Variants in PRH1 observed in about 807,000 individuals in gnomAD.
The protein encoded by PRH1 is salivary acidic proline-rich phosphoprotein 1/2.
PRH1 carries 7 observed loss-of-function variants against 7.9 expected under a neutral mutation model. That is an observed-to-expected ratio of 0.89 (90% CI 0.50 to 1.67). The LOEUF (loss-of-function observed/expected upper bound fraction) is 1.67, where lower values mean the gene tolerates loss of function less well. PRH1 is among the 40% of genes most tolerant of loss of function. The pLI is 0.00. For missense variants in PRH1, 109 were observed against 223.6 expected (o/e 0.49, Z 3.27); for synonymous variants, 45 against 80.8 (o/e 0.56, Z 2.38).
At chr12:11,068,535 C>G (rs1022690378) in intron 1 of PRH1, among the ~76,000 whole-genome samples, 1 of 152,158 alleles carries the variant, frequency 6.6e-6, no homozygotes, top group African/African-American at 2.4e-5. Flanking sequence ...GTCTGAAAGA[C>G]ATTTGGAGGA....
intron 2 of PRH1, chr12:10,938,244 T>C (rs1950322364): frequency 5.9e-6 from 9 of 1,528,984 alleles, no homozygotes; most frequent in Non-Finnish European, 6.2e-6. Flanking sequence ...CTATTTTTTT[T>C]CTAATATATT....
At chr12:11,073,775 A>T (rs1456177405) in intron 1 of PRH1, among the ~76,000 whole-genome samples, 1 of 152,188 alleles carries the variant, frequency 6.6e-6, no homozygotes, top group African/African-American at 2.4e-5. Flanking sequence ...TGCTAGAGGC[A>T]TGCATCGTGG....
At chr12:10,916,002 C>A (rs1949966948) in intron 2 of PRH1, among the ~76,000 whole-genome samples, 1 of 152,174 alleles carries the variant, frequency 6.6e-6, no homozygotes, top group Admixed American at 6.5e-5. Context: ...CTAATAAAGA[C>A]ATACACAAGA....
chr12:11,134,336 C>T, intron 1 of PRH1: 1 of 1,253,734 alleles, frequency 8.0e-7, no homozygotes, highest in Middle Eastern at 1.9e-4. Flanking sequence ...TCTATATGCA[C>T]CTGATTTGTG....
intron 1 of PRH1, among the ~76,000 whole-genome samples, chr12:11,085,961 A>G (rs1335289091): frequency 0.23 from 15,363 of 68,004 alleles, 574 homozygotes; most frequent in Non-Finnish European, 0.31. Context: ...GGTTTATGGA[A>G]AGTGAATCCT....
chr12:10,965,918 A>C (rs1187876671), intron 2 of PRH1, among the ~76,000 whole-genome samples: 1 of 152,256 alleles, frequency 6.6e-6, no homozygotes, highest in Admixed American at 6.5e-5. Context: ...CTTGGGAACC[A>C]TGGGAATGCC....
At chr12:10,987,360 T>C (rs1398875003) in intron 1 of PRH1, among the ~76,000 whole-genome samples, 2 of 152,082 alleles carry the variant, frequency 1.3e-5, no homozygotes, top group African/African-American at 4.8e-5. Flanking sequence ...ATCACCACCA[T>C]AACGGATTTA....
rs1045182731 is a variant in PRH1, at chr12:10,899,291, T to C, written c.-58-15016A>G. Among the ~76,000 whole-genome samples, 3 of 151,992 alleles carry C rather than the reference T, an allele frequency of 2.0e-5. No individual in the cohort carries two copies. The South Asian group carries it at 6.2e-4, about 32-fold the overall frequency. On this transcript the variant is annotated intron_variant, in intron 2 of 3. Coordinates refer to the PRH1 transcript ENST00000539853. Reference sequence around the variant, plus strand: ...GATGGAAAGATTACATTTTTTTTTATGTGAGAAGGACACGAGTTTTCAGGG... The same window carrying C: ...GATGGAAAGATTACATTTTTTTTTACGTGAGAAGGACACGAGTTTTCAGGG...
intron 1 of PRH1, among the ~76,000 whole-genome samples, chr12:11,065,737 C>T (rs1268848063): frequency 3.9e-5 from 6 of 152,144 alleles, no homozygotes; most frequent in Non-Finnish European, 5.9e-5. Flanking sequence ...ATTTTTAGCA[C>T]ACCTGACATG....
intron 2 of PRH1, chr12:10,930,573 G>T: frequency 6.4e-7 from 1 of 1,571,898 alleles, no homozygotes; most frequent in Non-Finnish European, 8.6e-7. Flanking sequence ...CAGGGAGAGA[G>T]GGGCCGGCCG....
intron 1 of PRH1, among the ~76,000 whole-genome samples, chr12:11,016,641 T>C (rs1372157077): frequency 1.3e-5 from 2 of 152,216 alleles, no homozygotes; most frequent in Non-Finnish European, 2.9e-5. Flanking sequence ...ATACCCAGCC[T>C]GCAGAGGGAG....
intron 2 of PRH1, among the ~76,000 whole-genome samples, chr12:10,889,538 T>C (rs1013313): frequency 0.5 from 76,385 of 152,052 alleles, 21,511 homozygotes; most frequent in East Asian, 0.74. Context: ...TTCTTGAATC[T>C]GTAGGTTTAT....
chr12:10,933,316 A>G lies in PRH1; in HGVS notation c.-59+40339T>C, dbSNP rs117133139. ...TAAGTAAAATATGATGAAATTTAAT[A>G]GAGAATTCACTCCTCCCAAAAGCAC... On this transcript the variant is annotated intron_variant, in intron 2 of 3. Coordinates refer to the PRH1 transcript ENST00000539853. Among the ~76,000 whole-genome samples, 556 of 152,210 alleles carry G rather than the reference A, an allele frequency of 3.7e-3. 6 individuals are homozygous for G. The highest frequency in any genetic ancestry group is 6.4e-3 in the Non-Finnish European group (437 of 67,936).
intron 1 of PRH1, among the ~76,000 whole-genome samples, chr12:10,977,581 T>G (rs918739723): frequency 1.3e-5 from 2 of 152,010 alleles, no homozygotes; most frequent in African/African-American, 4.8e-5. Context: ...CAGAAAGAAA[T>G]AAAAGTCATC....
intron 1 of PRH1, among the ~76,000 whole-genome samples, chr12:11,156,380 G>C (rs1015796547): frequency 1.3e-5 from 2 of 151,978 alleles, no homozygotes; most frequent in Non-Finnish European, 2.9e-5. Flanking sequence ...TTTCTCGAAT[G>C]TATGGATTGA....
chr12:11,143,730 C>T (rs35280352), intron 1 of PRH1, among the ~76,000 whole-genome samples: 69,191 of 151,948 alleles, frequency 0.46, 16,556 homozygotes, highest in Non-Finnish European at 0.53. Flanking sequence ...AACTATGAAG[C>T]GACAAAGAAG....
At chr12:11,005,697 A>C (rs779231462) in intron 1 of PRH1, among the ~76,000 whole-genome samples, 1 of 152,082 alleles carries the variant, frequency 6.6e-6, no homozygotes, top group African/African-American at 2.4e-5. Flanking sequence ...CCAAAATGGA[A>C]AACCAATTTC....
At chr12:10,983,382 C>A (rs1939450176) in intron 1 of PRH1, among the ~76,000 whole-genome samples, 2 of 152,212 alleles carry the variant, frequency 1.3e-5, no homozygotes, top group South Asian at 4.1e-4. Flanking sequence ...CTGAGTTGCA[C>A]AAGGAGTGGA....
intron 1 of PRH1, among the ~76,000 whole-genome samples, chr12:11,011,033 T>C (rs1004021745): frequency 6.6e-6 from 1 of 152,000 alleles, no homozygotes; most frequent in Non-Finnish European, 1.5e-5. Flanking sequence ...AATTTCAGGA[T>C]TGTTTAACAA....
Sources: gnomAD v4.1 joint callset for allele counts (sites outside exome capture counted in the v4.1 genomes callset) on GRCh38, gnomAD v4.1.1 for gene constraint, MANE v1.5 for transcripts, NCBI Gene and HGNC (gene_info 2026-07-23, HGNC 2026-07-21) for gene names.